The following AMPD3 variants were observed in gnomAD, a reference collection of about 807,000 sequenced individuals.
The protein encoded by AMPD3 is adenosine monophosphate deaminase 3, also known as AMP deaminase 3.
In AMPD3, 57 loss-of-function variants were observed where a neutral mutation model predicts 82.3. The observed-to-expected ratio is 0.69, with a 90% CI of 0.56 to 0.86. AMPD3 has a LOEUF of 0.86. Ranked by LOEUF, AMPD3 falls within the 40% of genes least tolerant of loss-of-function variation. AMPD3 has a pLI of 0.00. For synonymous variants in AMPD3, 381 were observed against 394.7 expected, an observed-to-expected ratio of 0.97 and a Z score of 0.41; for missense variants, 870 against 1,003.8, an observed-to-expected ratio of 0.87 and a Z score of 1.80.
intron 2 of AMPD3, among the ~76,000 whole-genome samples, chr11:10,467,636 G>A (rs1390778416): frequency 2.0e-5 from 3 of 152,160 alleles, no homozygotes; most frequent in Non-Finnish European, 4.4e-5. Context: ...AGCAAGACAA[G>A]CCAACATTCA....
chr11:10,461,181 C>A, intron 1 of AMPD3: 1 of 1,225,872 alleles, frequency 8.2e-7, no homozygotes, highest in African/African-American at 1.6e-5. Flanking sequence ...CTTGTCCCTT[C>A]TCAAACATGG....
At chr11:10,461,146 T>A in intron 1 of AMPD3, 2 of 1,202,818 alleles carry the variant, frequency 1.7e-6, no homozygotes, top group Non-Finnish European at 2.1e-6. Context: ...CCTCATAGTC[T>A]GGAGGAGGGA....
intron 10 of AMPD3, among the ~76,000 whole-genome samples, chr11:10,497,144 G>T (rs1040729776): frequency 6.6e-6 from 1 of 152,088 alleles, no homozygotes; most frequent in African/African-American, 2.4e-5. Context: ...GAGTCAGTGG[G>T]TGTGGGGGGA....
rs902166285 is a variant in AMPD3, at chr11:10,497,839, A to G, written c.1557+901A>G. On this transcript the variant is annotated intron_variant, in intron 10 of 14. Coordinates refer to ENST00000396553, the MANE Select transcript of AMPD3 (RefSeq NM_001025389.2). ...CTGCCTGGCCTGGTCAGACGCCACA[A>G]CGTGATCTCACCTAAGCCTCACAAT... The G allele has an allele frequency of 1.0e-5, 10 of 985,168 alleles. No homozygotes were observed. The East Asian group carries it at 3.4e-4, about 34-fold the overall frequency. The allele number at this position is 985,168 out of a possible 1,614,324, so 61.0% of individuals were successfully genotyped here.
chr11:10,497,558 A>G, intron 10 of AMPD3: 1 of 985,178 alleles, frequency 1.0e-6, no homozygotes, highest in Non-Finnish European at 1.2e-6. Context: ...ATGACTTTCT[A>G]CAGGGAGAGG....
intron 2 of AMPD3, among the ~76,000 whole-genome samples, chr11:10,467,063 C>A (rs1848442396): frequency 6.6e-6 from 1 of 152,260 alleles, no homozygotes; most frequent in African/African-American, 2.4e-5. Context: ...GGGATGTAAA[C>A]CAGTGCAAAA....
At chr11:10,500,697 G>A (rs1849554153) in intron 11 of AMPD3, 1 of 985,196 alleles carries the variant, frequency 1.0e-6, no homozygotes. Flanking sequence ...CACTGCATCT[G>A]GCATGCGATA....
intron 2 of AMPD3, among the ~76,000 whole-genome samples, chr11:10,467,277 A>G (rs1848448494): frequency 6.6e-6 from 1 of 152,202 alleles, no homozygotes; most frequent in Non-Finnish European, 1.5e-5. Context: ...TGAAAAAAGG[A>G]TAGATGAATT....
chr11:10,502,017 G>A (rs1591487503), intron 12 of AMPD3: 2 of 985,390 alleles, frequency 2.0e-6, no homozygotes, highest in Non-Finnish European at 2.4e-6. Context: ...TGGATGAAGG[G>A]TCTGCCACTT....
At chr11:10,501,053 C>G in intron 11 of AMPD3, 1 of 985,426 alleles carries the variant, frequency 1.0e-6, no homozygotes, top group Non-Finnish European at 1.2e-6. Flanking sequence ...GGCTTTGCTA[C>G]TGACCTGTTC....
intron 3 of AMPD3, 94 bp from the exon 4 acceptor site, chr11:10,481,969 C>T (rs1848920401): frequency 3.3e-6 from 5 of 1,515,960 alleles, no homozygotes; most frequent in Non-Finnish European, 4.6e-6. Context: ...TTCCCAGATA[C>T]CAGGCAAGGG....
At chr11:10,494,749 T>C in intron 7 of AMPD3, 150 bp from the exon 8 acceptor site, 1 of 1,535,382 alleles carries the variant, frequency 6.5e-7, no homozygotes, top group East Asian at 2.4e-5. Flanking sequence ...GTCCTGGTGC[T>C]CAGGAGTTTC....
At chr11:10,455,676 C>T (rs907501859) in intron 1 of AMPD3, among the ~76,000 whole-genome samples, 3 of 152,192 alleles carry the variant, frequency 2.0e-5, no homozygotes, top group Non-Finnish European at 2.9e-5. Flanking sequence ...GCAGTTCCTG[C>T]TCCCTGAGTC....
chr11:10,475,390 C>A (rs770903020), intron 2 of AMPD3, among the ~76,000 whole-genome samples: 14 of 152,116 alleles, frequency 9.2e-5, no homozygotes, highest in Non-Finnish European at 1.9e-4. Context: ...GAGATTTGGG[C>A]AGAGACATGG....
chr11:10,506,639 T>C lies in AMPD3; in HGVS notation c.*755T>C, dbSNP rs1268517827. On this transcript the variant is annotated 3_prime_UTR_variant, in exon 15 of 15. Transcript: ENST00000396553. The surrounding 1 kb of genome is among the most constrained non-coding windows in gnomAD (Gnocchi z 4.1). ...TCAAAGTGACTGCGTTCATCAGTTT[T>C]ACACTGGGGCTGCTACATAATATTT... is the stretch of plus-strand genomic sequence containing the variant. 1 of 152,882 alleles carries C rather than the reference T, an allele frequency of 6.5e-6. No homozygotes were observed. Among genetic ancestry groups the C allele is most frequent in the Non-Finnish European group, 1.5e-5 (1 of 68,260 alleles). The allele number at this position is 152,882 out of a possible 1,614,324, so 9.5% of individuals were successfully genotyped here. A position where few individuals can be genotyped will look rare whatever the true frequency, so the allele number is the denominator to read the frequency against.
intron 13 of AMPD3, 34 bp from the exon 14 acceptor site, chr11:10,504,515 C>T (rs1849662911): frequency 1.3e-6 from 2 of 1,585,422 alleles, no homozygotes; most frequent in Non-Finnish European, 1.7e-6. Context: ...GGATATCCCC[C>T]CTTCTAATCC....
intron 10 of AMPD3, 48 bp from the exon 11 acceptor site, chr11:10,500,038 G>A: frequency 6.2e-7 from 1 of 1,612,640 alleles, no homozygotes. Flanking sequence ...AACCGAGGCT[G>A]AGTCCTGGTC....
chr11:10,491,147 G>A (rs187121526), intron 6 of AMPD3, among the ~76,000 whole-genome samples: 1 of 152,186 alleles, frequency 6.6e-6, no homozygotes, highest in Admixed American at 6.5e-5. Context: ...GCGCCCAGTC[G>A]GCCGCAGCAG....
chr11:10,497,513 A>C, intron 10 of AMPD3: 1 of 921,992 alleles, frequency 1.1e-6, no homozygotes, highest in Non-Finnish European at 1.3e-6. Context: ...TCGAGGGGGT[A>C]TCAGATGGTG....
Sources: allele counts gnomAD v4.1 joint callset (sites outside exome capture counted in the v4.1 genomes callset), GRCh38; gene constraint gnomAD v4.1.1; non-coding constraint Gnocchi (gnomAD v3.1); transcripts MANE v1.5; gene names NCBI Gene and HGNC (gene_info 2026-07-23, HGNC 2026-07-21).